Variants in AUTS2 observed in about 807,000 individuals in gnomAD.
AUTS2 encodes the protein autism susceptibility gene 2 protein.
A neutral mutation model predicts 112.4 loss-of-function variants in AUTS2; 17 were observed. That is an observed-to-expected ratio of 0.15 (90% CI 0.10 to 0.23). The LOEUF is 0.23. Ranked by LOEUF, AUTS2 falls within the 10% of genes least tolerant of loss-of-function variation. The probability of loss-of-function intolerance (pLI) is 1.00; values close to 1 mark genes in which losing one functional copy is unlikely to be tolerated. For synonymous variants in AUTS2, 751 were observed against 702.7 expected (o/e 1.07, Z -1.09); for missense variants, 1,510 against 1,701.6 (o/e 0.89, Z 1.98).
Position 70,763,057 on chromosome 7 carries a change from G to C in AUTS2, c.930G>C (p.Gln310His), listed in dbSNP as rs1789668398. 6.2e-7 allele frequency: 1 copy of C among 1,614,138 alleles called. No homozygotes were observed. Among genetic ancestry groups the C allele is most frequent in the African/African-American group, 1.3e-5 (1 of 75,038 alleles). Residue 310 changes from glutamine to histidine, a missense_variant, in exon 7 of 19, where the codon CAG becomes CAC. By Grantham distance (24) the Gln-to-His change is conservative. Around this residue, in one of 3 missense-constraint regions of AUTS2, gnomAD observed 535 missense variants for 594.3 expected, o/e 0.90. Coordinates refer to ENST00000342771, the MANE Select transcript of AUTS2 (RefSeq NM_015570.4). ...TCGCACAGCCAATACCCCAGCCGCAGACGGAGCCCCAACTCCGAGCTCCTT... is the reference window on the plus strand; with the variant it reads ...TCGCACAGCCAATACCCCAGCCGCACACGGAGCCCCAACTCCGAGCTCCTT... ...PQVAQPIPQP[Q>H]TEPQLRAPSP...
intron 5 of AUTS2, among the ~76,000 whole-genome samples, chr7:70,604,951 C>A (rs1448685338): frequency 1.3e-5 from 2 of 152,202 alleles, no homozygotes; most frequent in Non-Finnish European, 2.9e-5. Context: ...AAATAAAAAT[C>A]AGATTTCTTC....
chr7:69,609,804 C>T lies in AUTS2; in HGVS notation c.309+9842C>T, dbSNP rs529450076. 2.6e-5 allele frequency among the ~76,000 whole-genome samples: 4 copies of T among 152,308 alleles called. No homozygotes were observed. In the East Asian group the frequency reaches 7.7e-4, roughly 29 times the overall value. ...TTGTCTGTTCATTGCTGAACCAGAA[C>T]ATTTATAACAACTGTTTCTCATGTG... On this transcript the variant is annotated intron_variant, in intron 1 of 18. Coordinates refer to ENST00000342771, the MANE Select transcript of AUTS2 (RefSeq NM_015570.4).
At chr7:69,725,356 A>AT (rs993083411) in intron 1 of AUTS2, among the ~76,000 whole-genome samples, 1 of 152,092 alleles carries the variant, frequency 6.6e-6, no homozygotes, top group Non-Finnish European at 1.5e-5. Flanking sequence ...TGGGCATGCC[A>AT]TTTTTTCTAG....
At chr7:70,127,331 G>A (rs933633309) in intron 3 of AUTS2, among the ~76,000 whole-genome samples, 1 of 147,030 alleles carries the variant, frequency 6.8e-6, no homozygotes, top group African/African-American at 2.5e-5. Flanking sequence ...ATGGGGTTTC[G>A]CCATGTTGGC....
intron 4 of AUTS2, among the ~76,000 whole-genome samples, chr7:70,368,218 G>A (rs948344747): frequency 1.3e-5 from 2 of 152,102 alleles, no homozygotes; most frequent in African/African-American, 4.8e-5. Context: ...GTTCTTTAAG[G>A]ATTTAATGAA....
chr7:70,330,013 C>T (rs1180701215), intron 4 of AUTS2, among the ~76,000 whole-genome samples: 1 of 152,148 alleles, frequency 6.6e-6, no homozygotes. Context: ...GCCTTAGTCC[C>T]ATTCAAGAGG....
At chr7:70,505,801 A>G (rs889324990) in intron 5 of AUTS2, among the ~76,000 whole-genome samples, 2 of 152,120 alleles carry the variant, frequency 1.3e-5, no homozygotes, top group South Asian at 4.2e-4. Context: ...AGGACCTTTC[A>G]TGTTTCTCTG....
In AUTS2 at chr7:69,899,293, T is replaced by TAGC. The variant is rs1325068297; in HGVS notation, c.319_321dup (p.Ala107dup). On this transcript the variant is annotated inframe_insertion, in exon 2 of 19. Coordinates refer to ENST00000342771, the MANE Select transcript of AUTS2 (RefSeq NM_015570.4). The stretch of plus-strand genomic sequence containing the variant: ...TTCTCTTCTTTTCTACAGAAAGATG[T>TAGC]AGCACTTAAGCCTCAGGAACGTGTG... 9 of 1,612,328 alleles carry TAGC rather than the reference T, an allele frequency of 5.6e-6. No homozygotes were observed. The Admixed American group carries it at 1.2e-4, about 21-fold the overall frequency.
intron 2 of AUTS2, among the ~76,000 whole-genome samples, chr7:69,994,829 C>CT (rs1332249579): frequency 6.6e-6 from 1 of 152,108 alleles, no homozygotes; most frequent in East Asian, 1.9e-4. Flanking sequence ...TGTGTTTTCT[C>CT]TTTTTTCTGC....
chr7:70,415,947 GA>G (rs1346357014), intron 4 of AUTS2, among the ~76,000 whole-genome samples: 2 of 152,172 alleles, frequency 1.3e-5, no homozygotes, highest in Non-Finnish European at 2.9e-5. Context: ...GCTTGACTTT[GA>G]AATCCTCTTT....
At chr7:70,125,905 C>T (rs570924453) in intron 3 of AUTS2, among the ~76,000 whole-genome samples, 1 of 152,248 alleles carries the variant, frequency 6.6e-6, no homozygotes, top group South Asian at 2.1e-4. Flanking sequence ...CCATCATGCC[C>T]CTGACTCGTT....
At chr7:70,772,417 T>C (rs767630451) in intron 11 of AUTS2, among the ~76,000 whole-genome samples, 1 of 152,242 alleles carries the variant, frequency 6.6e-6, no homozygotes, top group Non-Finnish European at 1.5e-5. Flanking sequence ...TTTTTAAATA[T>C]ACTTACAATT....
chr7:70,531,187 C>T (rs1800073480), intron 5 of AUTS2, among the ~76,000 whole-genome samples: 1 of 58,826 alleles, frequency 1.7e-5, no homozygotes, highest in Admixed American at 1.4e-4. Context: ...ATATCTAAAT[C>T]AGAATATACA....
chr7:69,711,240 A>G (rs910254311), intron 1 of AUTS2, among the ~76,000 whole-genome samples: 1 of 152,200 alleles, frequency 6.6e-6, no homozygotes, highest in African/African-American at 2.4e-5. Context: ...TGCAATTAAC[A>G]TGAAAATGAT....
At chr7:70,754,562 C>T (rs891212151) in intron 6 of AUTS2, among the ~76,000 whole-genome samples, 1 of 152,182 alleles carries the variant, frequency 6.6e-6, no homozygotes, top group Non-Finnish European at 1.5e-5. Context: ...TTTGATATTT[C>T]CATATGTCTC....
chr7:70,424,529 A>G (rs541880902), intron 4 of AUTS2, among the ~76,000 whole-genome samples: 1 of 152,194 alleles, frequency 6.6e-6, no homozygotes, highest in Admixed American at 6.5e-5. Context: ...GTGGTAGTAT[A>G]ATACTTTCTT....
chr7:70,524,808 T>C (rs1799775538), intron 5 of AUTS2, among the ~76,000 whole-genome samples: 1 of 152,252 alleles, frequency 6.6e-6, no homozygotes, highest in Non-Finnish European at 1.5e-5. Context: ...TTGTTCAATA[T>C]ATGCTGTCTG....
At chr7:70,447,411 G>A (rs1796360778) in intron 5 of AUTS2, among the ~76,000 whole-genome samples, 1 of 152,230 alleles carries the variant, frequency 6.6e-6, no homozygotes, top group African/African-American at 2.4e-5. Flanking sequence ...GCTACAGAGA[G>A]ATAAAGAAGT....
intron 5 of AUTS2, among the ~76,000 whole-genome samples, chr7:70,689,700 C>T (rs372224383): frequency 2.0e-5 from 3 of 149,294 alleles, no homozygotes; most frequent in South Asian, 2.1e-4. Context: ...GGTGTGAACC[C>T]GGGAGGCGGG....
Sources: gnomAD v4.1 joint callset for allele counts (sites outside exome capture counted in the v4.1 genomes callset) on GRCh38, gnomAD v4.1.1 for gene constraint, gnomAD v4.1.1 regional missense constraint, MANE v1.5 for transcripts, NCBI Gene and HGNC (gene_info 2026-07-23, HGNC 2026-07-21) for gene names.